Variants in WDFY4 observed in about 807,000 individuals in gnomAD.
WDFY4 encodes the protein WDFY family member 4.
Under a neutral mutation model 351.9 loss-of-function variants are expected in WDFY4, and 169 were observed. That is an observed-to-expected ratio of 0.48 (90% CI 0.42 to 0.55). The LOEUF (loss-of-function observed/expected upper bound fraction) is 0.55. Among genes scored for constraint, WDFY4 ranks in the 20% least tolerant of loss-of-function variants. The pLI is 0.00. For synonymous variants in WDFY4, 1,622 were observed against 1,574.6 expected, an observed-to-expected ratio of 1.03 and a Z score of -0.71; for missense variants, 3,803 against 3,935.6, an observed-to-expected ratio of 0.97 and a Z score of 0.90.
intron 60 of WDFY4, 35 bp downstream of exon 60, chr10:48,978,428 C>T (rs1590038778): frequency 6.5e-7 from 1 of 1,528,086 alleles, no homozygotes. Flanking sequence ...CCGTCCTGGC[C>T]TTGCCCTGCC....
chr10:48,769,394 A>G (rs2065785945), intron 13 of WDFY4, among the ~76,000 whole-genome samples: 1 of 152,218 alleles, frequency 6.6e-6, no homozygotes, highest in Non-Finnish European at 1.5e-5. Context: ...AGTAAAGCTC[A>G]TCCGTAGGCC....
At chr10:48,849,004 A>G (rs1464502457) in intron 39 of WDFY4, among the ~76,000 whole-genome samples, 1 of 152,108 alleles carries the variant, frequency 6.6e-6, no homozygotes, top group African/African-American at 2.4e-5. Flanking sequence ...TGGGGGTGGT[A>G]TCTACCTTGG....
intron 31 of WDFY4, among the ~76,000 whole-genome samples, chr10:48,815,673 C>G (rs1565230489): frequency 6.6e-6 from 1 of 151,800 alleles, no homozygotes; most frequent in Non-Finnish European, 1.5e-5. Flanking sequence ...TGGCCAGGCT[C>G]AGAAGTGTTT....
chr10:48,812,193 TTTTTTG>T (rs2067475458), intron 30 of WDFY4, among the ~76,000 whole-genome samples: 2 of 148,954 alleles, frequency 1.3e-5, no homozygotes, highest in African/African-American at 5.1e-5. Context: ...TTTTTTTGTT[TTTTTTG>T]TTTTTTTTTG....
At chr10:48,837,388 T>C (rs1339784716) in intron 39 of WDFY4, among the ~76,000 whole-genome samples, 2 of 152,080 alleles carry the variant, frequency 1.3e-5, no homozygotes, top group Non-Finnish European at 2.9e-5. Context: ...CATGTTTACC[T>C]GTAGGTGAGA....
At position 48,777,505 on chromosome 10, in the gene WDFY4, T is replaced by A. The variant is rs1453167631; in HGVS notation, c.3175+10T>A. The A allele has an allele frequency of 6.4e-7, 1 of 1,551,504 alleles. No individual in the cohort carries two copies. The highest frequency in any genetic ancestry group is 8.7e-7 in the Non-Finnish European group (1 of 1,146,768). ...GGAGGAATTGGGACAGGTAGGTGTT[T>A]TTCCCAGATGGTTTAGCTCTCCATC... On this transcript the variant is annotated intron_variant, in intron 17 of 61. Coordinates refer to ENST00000325239, the MANE Select transcript of WDFY4 (RefSeq NM_001394531.1).
At chr10:48,842,467 G>A (rs991890654) in intron 39 of WDFY4, among the ~76,000 whole-genome samples, 4 of 152,104 alleles carry the variant, frequency 2.6e-5, no homozygotes, top group Admixed American at 6.5e-5. Context: ...GCTGTGGTGC[G>A]GTCCGCGGCT....
rs1395369303 is a variant in WDFY4 at position 48,715,326 on chromosome 10, T to G, written c.235-4685T>G. 2.0e-5 allele frequency among the ~76,000 whole-genome samples: 3 copies of G among 152,362 alleles called. No individual in the cohort carries two copies. The East Asian group carries it at 5.8e-4, about 29-fold the overall frequency. On this transcript the variant is annotated intron_variant, in intron 2 of 61. Transcript: ENST00000325239. ...TTTAAGCCACTGAATTTAGGGGTGT[T>G]TTGTCATGCACAACAGGTAACTGGA...
chr10:48,845,241 C>A (rs763009271), intron 39 of WDFY4, among the ~76,000 whole-genome samples: 1 of 152,212 alleles, frequency 6.6e-6, no homozygotes, highest in East Asian at 1.9e-4. Context: ...TATCTGTGGC[C>A]TCTATATCTG....
At chr10:48,863,230 C>T (rs1368717305) in intron 39 of WDFY4, among the ~76,000 whole-genome samples, 1 of 152,194 alleles carries the variant, frequency 6.6e-6, no homozygotes, top group Non-Finnish European at 1.5e-5. Context: ...ATTGCTGAGT[C>T]AATGACAACA....
At chr10:48,705,270 T>A (rs1441185658) in intron 1 of WDFY4, among the ~76,000 whole-genome samples, 1 of 152,228 alleles carries the variant, frequency 6.6e-6, no homozygotes, top group Non-Finnish European at 1.5e-5. Flanking sequence ...CATCATGGAT[T>A]TCTTGACATT....
rs1196318657 is a variant in WDFY4 at position 48,943,700 on chromosome 10, C to A, written c.7749+251C>A. 9.0e-4 allele frequency among the ~76,000 whole-genome samples: 137 copies of A among 152,154 alleles called. 2 individuals carry two copies. Among genetic ancestry groups the A allele is most frequent in the Non-Finnish European group, 2.1e-4 (14 of 68,030 alleles). ...TTCCGCCTCCTGGGTTCAAGCGATT[C>A]TCCTGCCTCAGTCTCCTGAGTAGCT... is the stretch of plus-strand genomic sequence containing the variant. On this transcript the variant is annotated intron_variant, in intron 49 of 61. Coordinates refer to ENST00000325239, the MANE Select transcript of WDFY4 (RefSeq NM_001394531.1).
rs969379622 is a variant in WDFY4 at position 48,873,501 on chromosome 10, G to A, written c.6752G>A (p.Cys2251Tyr). 7 of 1,549,168 alleles carry A rather than the reference G, an allele frequency of 4.5e-6. No homozygotes were observed. Among genetic ancestry groups the A allele is most frequent in the East Asian group, 2.4e-5 (1 of 40,924 alleles). Residue 2251 changes from cysteine (C) to tyrosine (Y), a missense_variant, in exon 41 of 62, where the codon TGT (cysteine) becomes TAT (tyrosine). Transcript: ENST00000325239. ...GTTTCTGCTCCCCAGAGGCGAAAAT[G>A]TGGCAACATCAAGGCAGCCAACGCC... Reference protein sequence around the residue: ...LYKDHVQRRKCGNIKAANAWA... With the variant: ...LYKDHVQRRKYGNIKAANAWA...
At chr10:48,809,884 G>A (rs1339425896) in intron 28 of WDFY4, among the ~76,000 whole-genome samples, 2 of 152,192 alleles carry the variant, frequency 1.3e-5, no homozygotes, top group Admixed American at 1.3e-4. Context: ...GAGAACACAG[G>A]TGGAGCCTTC....
chr10:48,875,034 A>G, intron 41 of WDFY4, 55 bp from the exon 42 acceptor site: 1 of 1,157,556 alleles, frequency 8.6e-7, no homozygotes, highest in Non-Finnish European at 1.2e-6. Context: ...GAGGTGAGTG[A>G]AGCATAGATG....
intron 13 of WDFY4, among the ~76,000 whole-genome samples, chr10:48,772,055 G>A (rs117341651): frequency 6.6e-5 from 10 of 152,220 alleles, no homozygotes; most frequent in East Asian, 5.8e-4. Flanking sequence ...TACAAACTGC[G>A]GCAAAGGTAT....
At chr10:48,886,742 G>T (rs1308359923) in intron 43 of WDFY4, among the ~76,000 whole-genome samples, 1 of 152,134 alleles carries the variant, frequency 6.6e-6, no homozygotes, top group Non-Finnish European at 1.5e-5. Flanking sequence ...TCTAACTTTC[G>T]CTCCAGCATT....
Position 48,963,876 on chromosome 10 carries a change from A to C in WDFY4, c.8258A>C (p.His2753Pro). ...AGTGACTTTGTCAGTGCCAACCTCCACCATTGGATAGACCTTATTTTTGGG... is the reference window on the plus strand; with the variant it reads ...AGTGACTTTGTCAGTGCCAACCTCCCCCATTGGATAGACCTTATTTTTGGG... Reference protein sequence around the residue: ...LESDFVSANLHHWIDLIFGYK... With the variant: ...LESDFVSANLPHWIDLIFGYK... Residue 2753 changes from histidine (H) to proline (P), a missense_variant, in exon 54 of 62, where the codon CAC becomes CCC. By Grantham distance (77) the His-to-Pro change is moderately conservative. This residue lies in a region of WDFY4 where 3,054 missense variants were observed against 3,148.6 expected (regional missense o/e 0.97). Transcript: ENST00000325239. The C allele has an allele frequency of 6.4e-7, 1 of 1,551,352 alleles. No individual in the cohort carries two copies. The highest frequency in any genetic ancestry group is 8.7e-7 in the Non-Finnish European group (1 of 1,146,948).
intron 60 of WDFY4, chr10:48,978,882 A>C (rs191222943): frequency 2.9e-4 from 44 of 153,160 alleles, no homozygotes; most frequent in South Asian, 8.2e-4. Flanking sequence ...TTTGCTCTGC[A>C]TCCCAGAACC....
Sources: allele counts gnomAD v4.1 joint callset (sites outside exome capture counted in the v4.1 genomes callset), GRCh38; gene constraint gnomAD v4.1.1; regional missense constraint gnomAD v4.1.1; transcripts MANE v1.5; gene names NCBI Gene and HGNC (gene_info 2026-07-23, HGNC 2026-07-21).